FMN1: variants seen among roughly 807,000 people sequenced by gnomAD.
FMN1 encodes formin-1.
A neutral mutation model predicts 132.4 loss-of-function variants in FMN1; 110 were observed. The observed-to-expected ratio is 0.83, with a 90% CI of 0.71 to 0.97. The LOEUF is 0.97. FMN1 is among the 50% of genes least tolerant of loss of function. The pLI, the probability that FMN1 is intolerant of heterozygous loss-of-function variation, is 0.00. For synonymous variants in FMN1, 722 were observed against 651.7 expected, an observed-to-expected ratio of 1.11 and a Z score of -1.64; for missense variants, 1,792 against 1,705.3, an observed-to-expected ratio of 1.05 and a Z score of -0.90.
intron 17 of FMN1, among the ~76,000 whole-genome samples, chr15:32,847,999 G>C (rs1343041752): frequency 6.6e-6 from 1 of 152,158 alleles, no homozygotes; most frequent in Non-Finnish European, 1.5e-5. Flanking sequence ...GATGGTCTGT[G>C]TCGGGGTAAT....
At chr15:33,161,495 C>G (rs1964888058) in intron 3 of FMN1, among the ~76,000 whole-genome samples, 2 of 152,170 alleles carry the variant, frequency 1.3e-5, no homozygotes. Context: ...TGCCCCCTCC[C>G]CTTGCTCATT....
At chr15:33,184,556 T>C (rs1020568953) in intron 2 of FMN1, among the ~76,000 whole-genome samples, 6 of 150,890 alleles carry the variant, frequency 4.0e-5, no homozygotes, top group Admixed American at 1.3e-4. Flanking sequence ...CAGGCTGAAA[T>C]GCAGTGGCAC....
intron 4 of FMN1, among the ~76,000 whole-genome samples, chr15:33,139,345 T>C (rs901416792): frequency 2.6e-5 from 4 of 152,146 alleles, no homozygotes; most frequent in Non-Finnish European, 2.9e-5. Flanking sequence ...GCCTGTAATC[T>C]CAGCACTTTG....
chr15:32,815,653 G>GT (rs1265058965), intron 17 of FMN1, among the ~76,000 whole-genome samples: 1 of 152,158 alleles, frequency 6.6e-6, no homozygotes, highest in Admixed American at 6.5e-5. Flanking sequence ...ACGGAATCAC[G>GT]TACTGGAGTG....
chr15:32,965,439 A>G (rs936234370), intron 8 of FMN1, among the ~76,000 whole-genome samples: 1 of 152,146 alleles, frequency 6.6e-6, no homozygotes, highest in African/African-American at 2.4e-5. Flanking sequence ...ATGCCCACAA[A>G]TTTCATCTAT....
At chr15:32,925,516 C>T (rs1462431397) in intron 10 of FMN1, among the ~76,000 whole-genome samples, 2 of 152,064 alleles carry the variant, frequency 1.3e-5, no homozygotes, top group African/African-American at 2.4e-5. Context: ...CTGGTTTCTT[C>T]AACAAGTAAA....
At chr15:33,026,469 T>C (rs1436816951) in intron 6 of FMN1, among the ~76,000 whole-genome samples, 1 of 149,136 alleles carries the variant, frequency 6.7e-6, no homozygotes, top group African/African-American at 2.5e-5. Context: ...TTTAGCCTTA[T>C]AATCAGTGAG....
intron 4 of FMN1, among the ~76,000 whole-genome samples, chr15:33,115,163 TGAA>T (rs1176699474): frequency 2.0e-5 from 3 of 151,960 alleles, no homozygotes; most frequent in African/African-American, 7.2e-5. Context: ...ATGGGGAAAA[TGAA>T]GAACTAAATA....
At chr15:32,896,744 T>C (rs2060168279) in intron 15 of FMN1, among the ~76,000 whole-genome samples, 2 of 152,208 alleles carry the variant, frequency 1.3e-5, no homozygotes, top group Non-Finnish European at 2.9e-5. Flanking sequence ...CGACAGAATT[T>C]ATTTCTTCTT....
In FMN1 at chr15:32,777,538, A is replaced by ACTTTATATATTACGTATAACATATAACAC. The variant is rs373857402; in HGVS notation, c.4131-620_4131-619insGTGTTATATGTTATACGTAATATATAAAG. On this transcript the variant is annotated intron_variant, in intron 19 of 20. Transcript: ENST00000616417. ...ATTTATATATTACGTATAACATAACATTTATATATTACGTATAACATATAA... is the reference window on the plus strand; with the variant it reads ...ATTTATATATTACGTATAACATAACACTTTATATATTACGTATAACATATAACACTTTATATATTACGTATAACATATAA... Among the ~76,000 whole-genome samples, 6 of 81,446 alleles carry ACTTTATATATTACGTATAACATATAACAC rather than the reference A, an allele frequency of 7.4e-5. 1 individual carries two copies. Among genetic ancestry groups the ACTTTATATATTACGTATAACATATAACAC allele is most frequent in the African/African-American group, 2.2e-4 (5 of 22,350 alleles). The allele number at this position is 81,446 out of a possible 152,430, so 53.4% of individuals were successfully genotyped here.
In FMN1 at chr15:33,081,006, A is replaced by T. The variant is rs80211859; in HGVS notation, c.2043+7793T>A. Among the ~76,000 whole-genome samples, 1,030 of 152,258 alleles carry T rather than the reference A, an allele frequency of 6.8e-3. 20 individuals are homozygous for T. Among genetic ancestry groups the T allele is most frequent in the African/African-American group, 0.024 (985 of 41,528 alleles). On this transcript the variant is annotated intron_variant, in intron 5 of 20. Coordinates refer to ENST00000616417, the MANE Select transcript of FMN1 (RefSeq NM_001277313.2). ...TGAGCCCAAGATGATGAGATGATGC[A>T]GGCCCATTTACCAGATGTGGCAATA...
chr15:32,779,287 C>T (rs182430055), intron 19 of FMN1, among the ~76,000 whole-genome samples: 63 of 152,260 alleles, frequency 4.1e-4, no homozygotes, highest in Non-Finnish European at 7.4e-4. Context: ...TGGAATTGTA[C>T]ACTTTAAAAG....
intron 20 of FMN1, among the ~76,000 whole-genome samples, chr15:32,774,619 C>T (rs1035344533): frequency 6.6e-6 from 1 of 152,132 alleles, no homozygotes; most frequent in African/African-American, 2.4e-5. Context: ...CTTTACCATG[C>T]CAGGGTGGTC....
chr15:32,913,456 TA>T (rs1406520738), intron 10 of FMN1, among the ~76,000 whole-genome samples: 1 of 152,150 alleles, frequency 6.6e-6, no homozygotes, highest in Non-Finnish European at 1.5e-5. Context: ...TCGCCTCAAT[TA>T]CACTTCCAAA....
intron 4 of FMN1, chr15:33,149,769 A>G (rs1374633465): frequency 2.0e-6 from 2 of 983,266 alleles, no homozygotes; most frequent in Non-Finnish European, 1.2e-6. Flanking sequence ...GCATATGTCT[A>G]TTAATGTCGT....
intron 16 of FMN1, among the ~76,000 whole-genome samples, chr15:32,876,743 T>G (rs2059646279): frequency 6.6e-6 from 1 of 152,206 alleles, no homozygotes; most frequent in African/African-American, 2.4e-5. Flanking sequence ...ACTTTAAAAA[T>G]ACAGTAGGGA....
rs547878796 is a variant in FMN1, at chr15:33,012,039, T to A, written c.2162-3964A>T. 2.2e-4 allele frequency: 68 copies of A among 307,468 alleles called. No homozygotes were observed. In the Middle Eastern group the frequency reaches 4.3e-3, roughly 19 times the overall value. The allele number at this position is 307,468 out of a possible 1,614,324, so 19.0% of individuals were successfully genotyped here. A position where few individuals can be genotyped will look rare whatever the true frequency, so the allele number is the denominator to read the frequency against. On this transcript the variant is annotated intron_variant, in intron 6 of 20. Coordinates refer to ENST00000616417, the MANE Select transcript of FMN1 (RefSeq NM_001277313.2). Reference sequence around the variant, plus strand: ...CAACAATCCTAACCTTAGGCATACATAAGTAACAAAACTATGAAGAAAAGC... The same window carrying A: ...CAACAATCCTAACCTTAGGCATACAAAAGTAACAAAACTATGAAGAAAAGC...
At position 32,771,425 on chromosome 15, in the gene FMN1, T is replaced by C. The variant is rs926349663; in HGVS notation, c.*2885A>G. The C allele has an allele frequency of 2.6e-5, 4 of 152,140 alleles. No individual in the cohort carries two copies. The highest frequency in any genetic ancestry group is 9.7e-5 in the African/African-American group (4 of 41,438). The allele number at this position is 152,140 out of a possible 1,614,324, so 9.4% of individuals were successfully genotyped here. A position where few individuals can be genotyped will look rare whatever the true frequency, so the allele number is the denominator to read the frequency against. On this transcript the variant is annotated 3_prime_UTR_variant, in exon 21 of 21. Coordinates refer to ENST00000616417, the MANE Select transcript of FMN1 (RefSeq NM_001277313.2). ...AACGTGTCTGTAGTGTAATTTATGA[T>C]GTACTTTGTGTAATTTATGTAACTT...
rs113309946 is a variant in FMN1 at position 33,181,063 on chromosome 15, A to C, written c.-196-801T>G. On this transcript the variant is annotated intron_variant, in intron 2 of 20. Transcript: ENST00000616417. ...ACCATGCCCGGCCTCTCCTGCTCTT[A>C]AGGCAGATTTTAGCCCTTATCATGG... 7.6e-4 allele frequency among the ~76,000 whole-genome samples: 116 copies of C among 152,092 alleles called. 1 individual carries two copies. Among genetic ancestry groups the C allele is most frequent in the African/African-American group, 2.7e-3 (114 of 41,502 alleles).
Sources: allele counts gnomAD v4.1 joint callset (sites outside exome capture counted in the v4.1 genomes callset), GRCh38; gene constraint gnomAD v4.1.1; transcripts MANE v1.5; gene names NCBI Gene and HGNC (gene_info 2026-07-23, HGNC 2026-07-21).